The following PARVB variants were observed in gnomAD, a reference collection of about 807,000 sequenced individuals.
The protein encoded by PARVB is beta-parvin.
In PARVB, 46 loss-of-function variants were observed where a neutral mutation model predicts 47.0. The observed-to-expected ratio is 0.98, with a 90% CI of 0.77 to 1.25. The LOEUF is 1.25. Among genes scored for constraint, PARVB ranks in the 50% most tolerant of loss-of-function variants. The pLI, the probability that PARVB is intolerant of heterozygous loss-of-function variation, is 0.00. For missense variants in PARVB, 473 were observed against 471.6 expected (o/e 1.00, Z -0.03); for synonymous variants, 196 against 196.3 (o/e 1.00, Z 0.01).
At chr22:44,164,055 G>A (rs1569165913) in intron 12 of PARVB, 125 bp downstream of exon 12, 1 of 638,908 alleles carries the variant, frequency 1.6e-6, no homozygotes, top group East Asian at 3.2e-5. Context: ...CTGGCTCTGG[G>A]GCAAGGGTCT....
intron 1 of PARVB, among the ~76,000 whole-genome samples, chr22:44,041,037 G>A (rs897983479): frequency 1.3e-5 from 2 of 151,822 alleles, no homozygotes; most frequent in Non-Finnish European, 1.5e-5. Flanking sequence ...AATTTGTGTC[G>A]TATGAAGTCC....
At chr22:44,119,012 G>C in intron 3 of PARVB, 26 bp from the exon 4 acceptor site, 1 of 1,523,224 alleles carries the variant, frequency 6.6e-7, no homozygotes, top group African/African-American at 1.4e-5. Flanking sequence ...GGTGGACTGA[G>C]GCCATAATGC....
intron 5 of PARVB, 136 bp from the exon 6 acceptor site, chr22:44,132,758 A>C: frequency 1.7e-6 from 1 of 594,034 alleles, no homozygotes; most frequent in Non-Finnish European, 3.0e-6. Context: ...AGCTCTCTTG[A>C]TTTGTCCACA....
rs775756782 is a variant in PARVB, at chr22:44,147,863, C to T, written c.715C>T (p.Arg239Trp). ...TGTCTCTCTTTGCATGTCCTCAGAG[C>T]GGGATGCCTTCGACACGCTGTTCGA... is the stretch of plus-strand genomic sequence containing the variant. Reference protein sequence around the residue: ...TTEMMMGRFERDAFDTLFDHA... With the variant: ...TTEMMMGRFEWDAFDTLFDHA... Residue 239 changes from arginine (R) to tryptophan (W), a missense_variant and splice_region_variant, in exon 9 of 13, where the codon CGG becomes TGG. Transcript: ENST00000338758. The T allele has an allele frequency of 6.2e-6, 10 of 1,613,740 alleles. No homozygotes were observed. The highest frequency in any genetic ancestry group is 2.2e-5 in the East Asian group (1 of 44,888).
intron 1 of PARVB, among the ~76,000 whole-genome samples, chr22:44,025,019 C>T (rs1316744647): frequency 1.3e-5 from 2 of 152,128 alleles, no homozygotes; most frequent in African/African-American, 4.8e-5. Flanking sequence ...CTACCAACCT[C>T]GTACGTTTTA....
At chr22:44,122,162 A>C (rs532031598) in intron 4 of PARVB, among the ~76,000 whole-genome samples, 1 of 152,208 alleles carries the variant, frequency 6.6e-6, no homozygotes, top group Admixed American at 6.5e-5. Context: ...AAGCATTTAC[A>C]TGCTTCAAAA....
intron 1 of PARVB, among the ~76,000 whole-genome samples, chr22:44,029,876 C>T (rs1324612538): frequency 2.0e-5 from 3 of 151,748 alleles, no homozygotes; most frequent in Non-Finnish European, 4.4e-5. Context: ...CGCCACTGCA[C>T]TCCAGCCTGG....
At chr22:44,064,880 A>T (rs910560497) in intron 1 of PARVB, among the ~76,000 whole-genome samples, 4 of 152,194 alleles carry the variant, frequency 2.6e-5, no homozygotes, top group African/African-American at 9.7e-5. Flanking sequence ...CAGAACATTA[A>T]TCCGGATAGT....
intron 3 of PARVB, chr22:44,115,620 A>C (rs1458455475): frequency 1.3e-5 from 1 of 75,466 alleles, no homozygotes; most frequent in Non-Finnish European, 2.5e-5. Flanking sequence ...CTGCACCAAC[A>C]CAGATACATT....
intron 1 of PARVB, among the ~76,000 whole-genome samples, chr22:44,082,791 G>A (rs1417215409): frequency 6.6e-6 from 1 of 152,092 alleles, no homozygotes; most frequent in Non-Finnish European, 1.5e-5. Flanking sequence ...ATCACCCCAG[G>A]GACAAAGGGG....
At chr22:44,135,492 C>G (rs988696766) in intron 6 of PARVB, among the ~76,000 whole-genome samples, 1 of 152,178 alleles carries the variant, frequency 6.6e-6, no homozygotes, top group Non-Finnish European at 1.5e-5. Flanking sequence ...CTCTTGATCT[C>G]ATGATCTGCC....
intron 2 of PARVB, among the ~76,000 whole-genome samples, chr22:44,015,554 C>T (rs1310492710): frequency 2.6e-5 from 4 of 152,170 alleles, no homozygotes; most frequent in African/African-American, 9.6e-5. Flanking sequence ...CGCGGTGACT[C>T]ATGCCTGTAA....
intron 11 of PARVB, among the ~76,000 whole-genome samples, chr22:44,161,674 G>T (rs1265449104): frequency 1.3e-5 from 2 of 152,164 alleles, no homozygotes; most frequent in African/African-American, 4.8e-5. Flanking sequence ...ACCCTCCTTT[G>T]TGAAGGAAGA....
intron 1 of PARVB, chr22:44,086,914 C>A: frequency 1.2e-6 from 1 of 847,940 alleles, no homozygotes; most frequent in Non-Finnish European, 1.4e-6. Flanking sequence ...TGGGTTCCTG[C>A]TTAAGCCCAA....
chr22:44,027,972 TA>T (rs1397596373), intron 1 of PARVB, among the ~76,000 whole-genome samples: 1 of 150,680 alleles, frequency 6.6e-6, no homozygotes, highest in Non-Finnish European at 1.5e-5. Context: ...CACATATATA[TA>T]TTGACGTATA....
At chr22:44,129,948 G>T (rs891502287) in intron 4 of PARVB, among the ~76,000 whole-genome samples, 1 of 152,196 alleles carries the variant, frequency 6.6e-6, no homozygotes, top group South Asian at 2.1e-4. Flanking sequence ...GGGGTATTCC[G>T]AGCCCAGCAG....
chr22:44,072,413 G>A (rs2051675451), intron 1 of PARVB, among the ~76,000 whole-genome samples: 1 of 152,136 alleles, frequency 6.6e-6, no homozygotes, highest in African/African-American at 2.4e-5. Context: ...CCGACAGTTT[G>A]CCCTCAGGAC....
chr22:44,128,195 C>G (rs922178370), intron 4 of PARVB, among the ~76,000 whole-genome samples: 1 of 152,210 alleles, frequency 6.6e-6, no homozygotes, highest in Non-Finnish European at 1.5e-5. Flanking sequence ...TCAAGGTAGA[C>G]TGCATATGGC....
intron 1 of PARVB, among the ~76,000 whole-genome samples, chr22:44,070,668 A>C (rs555117634): frequency 6.6e-6 from 1 of 152,206 alleles, no homozygotes; most frequent in Non-Finnish European, 1.5e-5. Flanking sequence ...AGCTCACATT[A>C]TATGAGGCTC....
Sources: allele counts gnomAD v4.1 joint callset (sites outside exome capture counted in the v4.1 genomes callset), GRCh38; gene constraint gnomAD v4.1.1; transcripts MANE v1.5; gene names NCBI Gene and HGNC (gene_info 2026-07-23, HGNC 2026-07-21).